The following CYB5R4 variants were observed in gnomAD, a reference collection of about 807,000 sequenced individuals.
CYB5R4 encodes N-terminal cytochrome b5 and cytochrome b5 oxidoreductase domain-containing protein.
CYB5R4 carries 55 observed loss-of-function variants against 70.2 expected under a neutral mutation model. The ratio of observed to expected loss-of-function variants is 0.78; its 90% CI spans 0.63 to 0.98. The LOEUF (loss-of-function observed/expected upper bound fraction) is 0.98. Ranked by LOEUF, CYB5R4 falls within the 50% of genes least tolerant of loss-of-function variation. The pLI is 0.00. For synonymous variants in CYB5R4, 197 were observed against 199.5 expected (o/e 0.99, Z 0.11); for missense variants, 562 against 612.6 (o/e 0.92, Z 0.87).
intron 4 of CYB5R4, 54 bp from the exon 5 acceptor site, chr6:83,914,362 C>A (rs2099465160): frequency 1.4e-6 from 2 of 1,480,942 alleles, no homozygotes; most frequent in South Asian, 1.2e-5. Context: ...GACTGACATT[C>A]TCATTGACAT....
chr6:83,868,092 G>A (rs1244261400), intron 2 of CYB5R4, among the ~76,000 whole-genome samples: 1 of 152,066 alleles, frequency 6.6e-6, no homozygotes, highest in Non-Finnish European at 1.5e-5. Context: ...GCCAACTTTA[G>A]TCTTGAAGGT....
chr6:83,938,455 C>A (rs1010659660), intron 12 of CYB5R4, among the ~76,000 whole-genome samples: 4 of 152,178 alleles, frequency 2.6e-5, no homozygotes, highest in Non-Finnish European at 4.4e-5. Flanking sequence ...AATTATTCAT[C>A]TCTTTGTTTC....
At chr6:83,939,070 A>G (rs537379619) in intron 12 of CYB5R4, among the ~76,000 whole-genome samples, 1 of 152,172 alleles carries the variant, frequency 6.6e-6, no homozygotes, top group South Asian at 2.1e-4. Flanking sequence ...TCCCGACCTC[A>G]GGTGATCCAC....
At chr6:83,893,428 T>G in intron 2 of CYB5R4, 94 bp from the exon 3 acceptor site, 1 of 685,824 alleles carries the variant, frequency 1.5e-6, no homozygotes, top group Admixed American at 2.7e-5. Context: ...TTAAATGGAA[T>G]GTATTTGGAA....
chr6:83,901,059 C>T (rs559136138), intron 3 of CYB5R4, among the ~76,000 whole-genome samples: 55 of 152,272 alleles, frequency 3.6e-4, no homozygotes, highest in Admixed American at 6.5e-4. Flanking sequence ...TTCCTAGCCT[C>T]GATGGTCTTT....
chr6:83,957,872 CAGTT>C (rs1360198094), intron 15 of CYB5R4, among the ~76,000 whole-genome samples: 1 of 152,118 alleles, frequency 6.6e-6, no homozygotes, highest in African/African-American at 2.4e-5. Context: ...TTGTGACTCT[CAGTT>C]AGGACTCATT....
At chr6:83,958,351 GATAAA>G (rs1371440942) in intron 15 of CYB5R4, among the ~76,000 whole-genome samples, 1 of 152,098 alleles carries the variant, frequency 6.6e-6, no homozygotes, top group Non-Finnish European at 1.5e-5. Flanking sequence ...TCTTACTAGA[GATAAA>G]ATCAAGATGT....
At chr6:83,882,457 T>C (rs1350440947) in intron 2 of CYB5R4, among the ~76,000 whole-genome samples, 1 of 152,178 alleles carries the variant, frequency 6.6e-6, no homozygotes, top group Non-Finnish European at 1.5e-5. Context: ...AGTTTGGAGT[T>C]GTGTCCAGTC....
At chr6:83,906,252 G>A (rs1002950991) in intron 3 of CYB5R4, among the ~76,000 whole-genome samples, 3 of 152,158 alleles carry the variant, frequency 2.0e-5, no homozygotes, top group Admixed American at 6.5e-5. Flanking sequence ...CCCATGGTGC[G>A]GTAGCTGGCA....
At chr6:83,891,033 T>G (rs539076213) in intron 2 of CYB5R4, among the ~76,000 whole-genome samples, 1 of 151,832 alleles carries the variant, frequency 6.6e-6, no homozygotes, top group Non-Finnish European at 1.5e-5. Context: ...GCCTCAAACT[T>G]CTGTGTTCAA....
At chr6:83,884,303 T>C (rs1397999018) in intron 2 of CYB5R4, among the ~76,000 whole-genome samples, 1 of 152,042 alleles carries the variant, frequency 6.6e-6, no homozygotes, top group Non-Finnish European at 1.5e-5. Context: ...AGAGGTATAC[T>C]TTAAAAACAC....
chr6:83,948,931 G>A (rs2099471092), intron 14 of CYB5R4, among the ~76,000 whole-genome samples: 1 of 151,860 alleles, frequency 6.6e-6, no homozygotes, highest in Non-Finnish European at 1.5e-5. Context: ...TCCAACCTCT[G>A]GCCTGCCTTT....
At chr6:83,868,156 TG>T (rs1425355755) in intron 2 of CYB5R4, among the ~76,000 whole-genome samples, 1 of 152,008 alleles carries the variant, frequency 6.6e-6, no homozygotes, top group East Asian at 1.9e-4. Context: ...CAGGGAAGCA[TG>T]GTATCATAGT....
intron 14 of CYB5R4, among the ~76,000 whole-genome samples, chr6:83,950,022 TTG>T (rs2099471275): frequency 6.6e-6 from 1 of 152,184 alleles, no homozygotes. Flanking sequence ...TGACACGATA[TTG>T]TGTTTACTTA....
chr6:83,915,410 G>A (rs1231699535), intron 5 of CYB5R4, among the ~76,000 whole-genome samples: 1 of 152,142 alleles, frequency 6.6e-6, no homozygotes, highest in African/African-American at 2.4e-5. Context: ...ACCTGTAGTT[G>A]TTCATCGGAT....
Position 83,893,459 on chromosome 6 carries a change from T to C in CYB5R4, c.230-63T>C, listed in dbSNP as rs991518210. ...TGGAAAGATTTATTGAAACTTATAT[T>C]TATAAGTTTTACAATTTTTGAGAAG... On this transcript the variant is annotated intron_variant, in intron 2 of 15. Coordinates refer to ENST00000369681, the MANE Select transcript of CYB5R4 (RefSeq NM_016230.4). 1.7e-5 allele frequency: 16 copies of C among 917,556 alleles called. No homozygotes were observed. In the East Asian group the frequency reaches 2.3e-4, roughly 13 times the overall value. 56.8% of individuals were successfully genotyped at this position (917,556 alleles called of 1,614,324 possible). A position where few individuals can be genotyped will look rare whatever the true frequency, so the allele number is the denominator to read the frequency against.
At chr6:83,900,271 G>C (rs1329504806) in intron 3 of CYB5R4, among the ~76,000 whole-genome samples, 3 of 152,146 alleles carry the variant, frequency 2.0e-5, no homozygotes, top group Non-Finnish European at 4.4e-5. Context: ...ATGTAGTTGA[G>C]TGGTGTTGAG....
chr6:83,904,216 C>T (rs2129136733), intron 3 of CYB5R4, among the ~76,000 whole-genome samples: 1 of 152,092 alleles, frequency 6.6e-6, no homozygotes, highest in Non-Finnish European at 1.5e-5. Flanking sequence ...TTTGCTATTC[C>T]ACAGGTTTTG....
intron 4 of CYB5R4, among the ~76,000 whole-genome samples, chr6:83,909,507 T>C (rs1230632191): frequency 6.6e-6 from 1 of 152,212 alleles, no homozygotes; most frequent in Non-Finnish European, 1.5e-5. Context: ...ATTCTTACTT[T>C]AAACTTCTTC....
Sources: gnomAD v4.1 joint callset for allele counts (sites outside exome capture counted in the v4.1 genomes callset) on GRCh38, gnomAD v4.1.1 for gene constraint, MANE v1.5 for transcripts, NCBI Gene and HGNC (gene_info 2026-07-23, HGNC 2026-07-21) for gene names.